Variants in BAZ2B observed in about 807,000 individuals in gnomAD.
BAZ2B encodes the protein bromodomain adjacent to zinc finger domain 2B, also known as bromodomain adjacent to zinc finger domain protein 2B.
Under a neutral mutation model 246.0 loss-of-function variants are expected in BAZ2B, and 91 were observed. The observed-to-expected ratio is 0.37, with a 90% CI of 0.31 to 0.44. BAZ2B has a LOEUF of 0.44. Ranked by LOEUF, BAZ2B falls within the 20% of genes least tolerant of loss-of-function variation. The pLI, the probability that BAZ2B is intolerant of heterozygous loss-of-function variation, is 1.00. For synonymous variants in BAZ2B, 855 were observed against 860.0 expected (o/e 0.99, Z 0.10); for missense variants, 2,332 against 2,533.7 (o/e 0.92, Z 1.71).
At chr2:159,472,309 C>T (rs546464879) in intron 3 of BAZ2B, among the ~76,000 whole-genome samples, 6 of 152,136 alleles carry the variant, frequency 3.9e-5, no homozygotes, top group Admixed American at 1.3e-4. Context: ...GATTTTGTAT[C>T]CTGAGACTTT....
rs1342156478 is a variant in BAZ2B at position 159,478,666 on chromosome 2, A to C, written c.54T>G (p.Thr18=). ...PSSAASSTTP[T]SSSTPSVASV... is the part of the protein sequence containing the mutation. The stretch of plus-strand genomic sequence containing the variant: ...AAGCCACAGAAGGTGTCGAAGATGA[A>C]GTTGGTGTAGTAGAGGAGGCTGCTG... Residue 18 remains threonine (T), a synonymous_variant, in exon 3 of 37, where the codon ACT becomes ACG. Transcript: ENST00000392783. 6.2e-7 allele frequency: 1 copy of C among 1,610,724 alleles called. No individual in the cohort carries two copies. The highest frequency in any genetic ancestry group is 8.5e-7 in the Non-Finnish European group (1 of 1,178,076).
chr2:159,448,155 A>T, intron 5 of BAZ2B, 87 bp downstream of exon 5: 1 of 1,472,264 alleles, frequency 6.8e-7, no homozygotes, highest in South Asian at 1.3e-5. Context: ...AAAAACAAAA[A>T]ACAAAAAAAG....
Position 159,428,468 on chromosome 2 carries a change from C to T in BAZ2B, c.2256-49G>A, listed in dbSNP as rs987179092. 2.8e-6 allele frequency: 4 copies of T among 1,433,482 alleles called. No homozygotes were observed. In the African/African-American group the frequency reaches 4.3e-5, roughly 15 times the overall value. 88.8% of individuals were successfully genotyped at this position (1,433,482 alleles called of 1,614,324 possible). On this transcript the variant is annotated intron_variant, in intron 11 of 36. Coordinates refer to ENST00000392783, the MANE Select transcript of BAZ2B (RefSeq NM_013450.4). ...TATGACATACTTAATTTCAAGAAAG[C>T]TTTTAAAAATTAAAAATAAGTTAAA...
At chr2:159,371,169 G>C (rs940142424) in intron 27 of BAZ2B, among the ~76,000 whole-genome samples, 6 of 151,500 alleles carry the variant, frequency 4.0e-5, no homozygotes, top group Admixed American at 6.6e-5. Context: ...TTTGAGACAG[G>C]GCCCGCTCTG....
chr2:159,377,057 G>A (rs1366629461), intron 25 of BAZ2B, among the ~76,000 whole-genome samples: 2 of 152,160 alleles, frequency 1.3e-5, no homozygotes, highest in African/African-American at 4.8e-5. Context: ...TCTACGGAAT[G>A]AAGGAATGAA....
Position 159,592,432 on chromosome 2 carries a change from G to A in BAZ2B, c.-46+23810C>T, listed in dbSNP as rs113131556. 7.5e-4 allele frequency among the ~76,000 whole-genome samples: 115 copies of A among 152,330 alleles called. 2 individuals are homozygous for A. The highest frequency in any genetic ancestry group is 2.6e-3 in the African/African-American group (110 of 41,576). On this transcript the variant is annotated intron_variant, in intron 1 of 36. Transcript: ENST00000392783. ...CCCAGTGCTGGGATTACAGGCGTGA[G>A]CCACTGCACGTGGCCCAATATCATG...
the BAZ2B span, among the ~76,000 whole-genome samples, chr2:159,671,855 T>A: frequency 3.3e-5 from 5 of 152,188 alleles, no homozygotes; most frequent in African/African-American, 1.2e-4. Context: ...ATAAAACAAC[T>A]AATCCTAACT....
chr2:159,405,465 C>T (rs934276356), intron 14 of BAZ2B, among the ~76,000 whole-genome samples: 2 of 152,146 alleles, frequency 1.3e-5, no homozygotes, highest in Non-Finnish European at 2.9e-5. Flanking sequence ...CCCGCCTCGG[C>T]CTCCCAAAGT....
intron 8 of BAZ2B, chr2:159,438,053 T>G (rs956556070): frequency 5.2e-6 from 2 of 382,114 alleles, no homozygotes; most frequent in Non-Finnish European, 9.3e-6. Flanking sequence ...GTGTGGGGAC[T>G]TACCTTAGGC....
chr2:159,425,710 G>T (rs1170468796), intron 13 of BAZ2B, among the ~76,000 whole-genome samples: 1 of 152,138 alleles, frequency 6.6e-6, no homozygotes, highest in Non-Finnish European at 1.5e-5. Flanking sequence ...GATCATCACT[G>T]CATGGTAGCA....
chr2:159,413,599 T>C (rs2067165837), intron 13 of BAZ2B, among the ~76,000 whole-genome samples: 1 of 152,048 alleles, frequency 6.6e-6, no homozygotes, highest in African/African-American at 2.4e-5. Context: ...TCCCAGCTAC[T>C]CGGGAGGATG....
intron 4 of BAZ2B, among the ~76,000 whole-genome samples, chr2:159,451,238 T>C (rs909398627): frequency 2.6e-5 from 4 of 152,176 alleles, no homozygotes; most frequent in Non-Finnish European, 4.4e-5. Context: ...TATTTCAATA[T>C]AAAATGGAAA....
the BAZ2B span, among the ~76,000 whole-genome samples, chr2:159,669,288 G>A: frequency 6.6e-6 from 1 of 152,070 alleles, no homozygotes; most frequent in South Asian, 2.1e-4. Flanking sequence ...TTTTAATTCT[G>A]TTGTGGTAAG....
chr2:159,613,858 T>C (rs1695249357), intron 1 of BAZ2B, among the ~76,000 whole-genome samples: 1 of 152,140 alleles, frequency 6.6e-6, no homozygotes, highest in Non-Finnish European at 1.5e-5. Flanking sequence ...ATATAGCATA[T>C]TACATGAAGC....
chr2:159,395,720 A>G, intron 20 of BAZ2B, 49 bp downstream of exon 20: 1 of 1,456,450 alleles, frequency 6.9e-7, no homozygotes. Flanking sequence ...ATGCTTTAGG[A>G]AAAAGCATTA....
chr2:159,494,281 T>G (rs752043319), intron 2 of BAZ2B, among the ~76,000 whole-genome samples: 32 of 152,148 alleles, frequency 2.1e-4, no homozygotes, highest in Non-Finnish European at 3.7e-4. Context: ...AAAAATGAAA[T>G]ATTCTGGGTC....
At chr2:159,572,142 C>G (rs1684180862) in intron 1 of BAZ2B, among the ~76,000 whole-genome samples, 2 of 152,148 alleles carry the variant, frequency 1.3e-5, no homozygotes, top group South Asian at 4.1e-4. Context: ...CACTCTGACT[C>G]CAAGGGGACA....
At position 159,432,781 on chromosome 2, in the gene BAZ2B, C is replaced by A. The variant is rs376218807; in HGVS notation, c.1876G>T (p.Asp626Tyr). 8 of 1,612,360 alleles carry A rather than the reference C, an allele frequency of 5.0e-6. No homozygotes were observed. Among genetic ancestry groups the A allele is most frequent in the Non-Finnish European group, 8.5e-7 (1 of 1,178,748 alleles). ...CCTGATTGGCTGTCATCAGATTCAT[C>A]ATCTTCATCATCTTCCTCATCTTCT... ...EEEDEEDDED[D>Y]ESDDSQSESD... The change falls in exon 9 of 37, where the codon GAT (aspartate) becomes TAT (tyrosine). Residue 626 changes from aspartate (D) to tyrosine (Y), a missense_variant. Around this residue, in one of 9 missense-constraint regions of BAZ2B, gnomAD observed 651 missense variants for 650.9 expected, o/e 1.00. Coordinates refer to ENST00000392783, the MANE Select transcript of BAZ2B (RefSeq NM_013450.4).
In BAZ2B at chr2:159,497,585, G is replaced by A. The variant is rs549149317; in HGVS notation, c.-2-18864C>T. The stretch of plus-strand genomic sequence containing the variant: ...TCTAAAAGATTCTATACTCTAATCA[G>A]ATTCTTTCTGATATAAACATTTTCA... On this transcript the variant is annotated intron_variant, in intron 2 of 36. Transcript: ENST00000392783. Among the ~76,000 whole-genome samples the A allele has an allele frequency of 3.3e-5, 5 of 152,168 alleles. No individual in the cohort carries two copies. The South Asian group carries it at 1.0e-3, about 31-fold the overall frequency.
Sources: gnomAD v4.1 joint callset for allele counts (sites outside exome capture counted in the v4.1 genomes callset) on GRCh38, gnomAD v4.1.1 for gene constraint, gnomAD v4.1.1 regional missense constraint, MANE v1.5 for transcripts, NCBI Gene and HGNC (gene_info 2026-07-23, HGNC 2026-07-21) for gene names.